The following RBFOX1 variants were observed in gnomAD, a reference collection of about 807,000 sequenced individuals.
The protein encoded by RBFOX1 is RNA binding fox-1 homolog 1.
Under a neutral mutation model 57.7 loss-of-function variants are expected in RBFOX1, and 8 were observed. The observed-to-expected ratio is 0.14, with a 90% CI of 0.08 to 0.25. The LOEUF (loss-of-function observed/expected upper bound fraction) is 0.25. Ranked by LOEUF, RBFOX1 falls within the 10% of genes least tolerant of loss-of-function variation. The probability of loss-of-function intolerance (pLI) is 1.00; values close to 1 mark genes in which losing one functional copy is unlikely to be tolerated. For missense variants in RBFOX1, 611 were observed against 548.5 expected (o/e 1.11, Z -1.14); for synonymous variants, 326 against 222.4 (o/e 1.47, Z -4.15).
At chr16:6,524,799 C>G (rs1479508851) in intron 2 of RBFOX1, among the ~76,000 whole-genome samples, 1 of 152,020 alleles carries the variant, frequency 6.6e-6, no homozygotes, top group Non-Finnish European at 1.5e-5. Context: ...TTGTCATTGC[C>G]CCACCTTCTT....
At chr16:7,383,262 A>C (rs2097814180) in intron 4 of RBFOX1, among the ~76,000 whole-genome samples, 1 of 150,028 alleles carries the variant, frequency 6.7e-6, no homozygotes, top group African/African-American at 2.5e-5. Context: ...CGTACCCATA[A>C]AAATTAAAAA....
At chr16:6,342,135 G>A (rs1191047001) in intron 2 of RBFOX1, among the ~76,000 whole-genome samples, 1 of 152,166 alleles carries the variant, frequency 6.6e-6, no homozygotes, top group Non-Finnish European at 1.5e-5. Context: ...GCCCTGCTTT[G>A]AAGGGGAGTG....
chr16:6,929,506 C>G (rs1597496256), intron 3 of RBFOX1, among the ~76,000 whole-genome samples: 2 of 152,042 alleles, frequency 1.3e-5, no homozygotes, highest in South Asian at 2.1e-4. Context: ...TGCTTTATTG[C>G]AAGCCACAAT....
At chr16:6,351,991 T>TGGC (rs1179579637) in intron 2 of RBFOX1, among the ~76,000 whole-genome samples, 3 of 152,238 alleles carry the variant, frequency 2.0e-5, no homozygotes, top group Non-Finnish European at 4.4e-5. Context: ...TTTGAGTTCA[T>TGGC]GGCTGTATTT....
intron 4 of RBFOX1, among the ~76,000 whole-genome samples, chr16:7,164,250 A>T (rs1601575345): frequency 6.6e-6 from 1 of 152,278 alleles, no homozygotes; most frequent in East Asian, 1.9e-4. Context: ...TTCACCTAGA[A>T]TAATGGTTTT....
At chr16:6,426,115 T>C (rs1015810532) in intron 2 of RBFOX1, among the ~76,000 whole-genome samples, 7 of 151,894 alleles carry the variant, frequency 4.6e-5, no homozygotes, top group African/African-American at 1.2e-4. Flanking sequence ...TCCCTCTCAT[T>C]GTCTCTCTCT....
intron 10 of RBFOX1, among the ~76,000 whole-genome samples, chr16:7,609,806 T>C (rs924203216): frequency 6.7e-6 from 1 of 148,226 alleles, no homozygotes; most frequent in African/African-American, 2.4e-5. Context: ...GGTGGGGTTT[T>C]GTTTGTTTGT....
chr16:7,709,493 G>A, intron 15 of RBFOX1: 2 of 1,486,294 alleles, frequency 1.3e-6, no homozygotes, highest in East Asian at 2.6e-5. Context: ...CATTCACATA[G>A]CCCCAAGGTT....
intron 3 of RBFOX1, among the ~76,000 whole-genome samples, chr16:6,912,956 G>A (rs2072086291): frequency 6.6e-6 from 1 of 151,966 alleles, no homozygotes; most frequent in Admixed American, 6.6e-5. Flanking sequence ...GGGATCTTGG[G>A]CAATATCTCA....
chr16:5,569,583 C>T (rs1022397835), intron 2 of RBFOX1, among the ~76,000 whole-genome samples: 6 of 151,150 alleles, frequency 4.0e-5, no homozygotes, highest in African/African-American at 1.5e-4. Flanking sequence ...ATCCCCATTT[C>T]ACAGATGAGG....
intron 1 of RBFOX1, among the ~76,000 whole-genome samples, chr16:6,111,189 G>C (rs573458524): frequency 6.6e-6 from 1 of 152,284 alleles, no homozygotes; most frequent in East Asian, 1.9e-4. Flanking sequence ...TTAATGAAAA[G>C]TACGCCACAT....
At chr16:7,258,011 T>A (rs1035285884) in intron 4 of RBFOX1, among the ~76,000 whole-genome samples, 1 of 152,206 alleles carries the variant, frequency 6.6e-6, no homozygotes, top group Non-Finnish European at 1.5e-5. Flanking sequence ...ACATTTGAGA[T>A]GTTCAATGTA....
At chr16:6,882,250 G>T (rs1416260402) in intron 3 of RBFOX1, among the ~76,000 whole-genome samples, 1 of 152,120 alleles carries the variant, frequency 6.6e-6, no homozygotes, top group Non-Finnish European at 1.5e-5. Flanking sequence ...AGATGGAGAG[G>T]GAGAAGGCTT....
intron 2 of RBFOX1, among the ~76,000 whole-genome samples, chr16:6,412,336 T>G (rs141644544): frequency 1.5e-4 from 23 of 152,134 alleles, no homozygotes; most frequent in African/African-American, 5.5e-4. Flanking sequence ...TATAATGCGC[T>G]GGTAGATTTC....
intron 4 of RBFOX1, among the ~76,000 whole-genome samples, chr16:7,236,039 G>T (rs73544820): frequency 0.012 from 1,848 of 152,236 alleles, 39 homozygotes; most frequent in African/African-American, 0.042. Flanking sequence ...TGTATAAATA[G>T]TTCCTCAGAT....
At chr16:7,091,745 A>G (rs1030346973) in intron 4 of RBFOX1, among the ~76,000 whole-genome samples, 35 of 152,088 alleles carry the variant, frequency 2.3e-4, no homozygotes, top group Admixed American at 2.1e-3. Context: ...TGAATTCTGC[A>G]TTTTCTTTCC....
intron 1 of RBFOX1, among the ~76,000 whole-genome samples, chr16:6,239,924 AG>A (rs1457708344): frequency 6.6e-6 from 1 of 152,094 alleles, no homozygotes; most frequent in Non-Finnish European, 1.5e-5. Flanking sequence ...CTCATGTTGA[AG>A]TGTAATCCCC....
At chr16:6,444,025 T>TC (rs2094438550) in intron 2 of RBFOX1, among the ~76,000 whole-genome samples, 1 of 152,200 alleles carries the variant, frequency 6.6e-6, no homozygotes, top group South Asian at 2.1e-4. Context: ...TATGAACAGA[T>TC]ATTGTATAAT....
chr16:7,664,756 C>T (rs985174825), intron 12 of RBFOX1, 173 bp from the exon 13 acceptor site: 14 of 1,150,046 alleles, frequency 1.2e-5, no homozygotes, highest in Admixed American at 7.2e-5. Context: ...CTAATTTTCT[C>T]GGTTTGCTCA....
Sources: allele counts gnomAD v4.1 joint callset (sites outside exome capture counted in the v4.1 genomes callset), GRCh38; gene constraint gnomAD v4.1.1; transcripts MANE v1.5; gene names NCBI Gene and HGNC (gene_info 2026-07-23, HGNC 2026-07-21).